Variants in ANKS1B observed in about 807,000 individuals in gnomAD.
ANKS1B encodes the protein ankyrin repeat and sterile alpha motif domain-containing protein 1B.
ANKS1B carries 36 observed loss-of-function variants against 148.3 expected under a neutral mutation model. The ratio of observed to expected loss-of-function variants is 0.24; its 90% CI spans 0.19 to 0.32. The LOEUF (loss-of-function observed/expected upper bound fraction) is 0.32, where lower values mean the gene tolerates loss of function less well. Among genes scored for constraint, ANKS1B ranks in the 10% least tolerant of loss-of-function variants. The pLI is 1.00. For synonymous variants in ANKS1B, 542 were observed against 560.8 expected, an observed-to-expected ratio of 0.97 and a Z score of 0.47; for missense variants, 1,157 against 1,542.6, an observed-to-expected ratio of 0.75 and a Z score of 4.19.
intron 17 of ANKS1B, among the ~76,000 whole-genome samples, chr12:98,848,176 G>C (rs766531495): frequency 2.0e-5 from 3 of 152,150 alleles, no homozygotes; most frequent in Non-Finnish European, 2.9e-5. Context: ...CTTAGTATTT[G>C]TTAGAAAACA....
At chr12:99,956,106 T>C (rs2095319557) in intron 1 of ANKS1B, among the ~76,000 whole-genome samples, 1 of 151,750 alleles carries the variant, frequency 6.6e-6, no homozygotes, top group South Asian at 2.1e-4. Context: ...TGGTGAAACC[T>C]GTCTCTACTA....
intron 15 of ANKS1B, among the ~76,000 whole-genome samples, chr12:99,086,989 C>T (rs1432132724): frequency 3.3e-5 from 5 of 152,220 alleles, no homozygotes; most frequent in South Asian, 4.1e-4. Flanking sequence ...CATAGACTAA[C>T]GTAGTAGTCA....
intron 9 of ANKS1B, among the ~76,000 whole-genome samples, chr12:99,505,883 T>C (rs184554562): frequency 6.6e-6 from 1 of 152,198 alleles, no homozygotes; most frequent in East Asian, 1.9e-4. Context: ...CCAAACAGCA[T>C]AGCTTAGCCT....
intron 22 of ANKS1B, among the ~76,000 whole-genome samples, chr12:98,786,778 C>G (rs76755570): frequency 6.6e-6 from 1 of 152,152 alleles, no homozygotes; most frequent in African/African-American, 2.4e-5. Context: ...ATCATTAGTG[C>G]CCCATCATCA....
At chr12:98,834,362 C>T (rs1211901264) in intron 17 of ANKS1B, among the ~76,000 whole-genome samples, 1 of 152,140 alleles carries the variant, frequency 6.6e-6, no homozygotes. Flanking sequence ...CTGTTTTCTG[C>T]TTTTAATACC....
At chr12:99,915,997 C>T (rs1425934896) in intron 1 of ANKS1B, among the ~76,000 whole-genome samples, 1 of 152,092 alleles carries the variant, frequency 6.6e-6, no homozygotes, top group South Asian at 2.1e-4. Context: ...GAATACCAGC[C>T]ACATTGGATT....
intron 17 of ANKS1B, among the ~76,000 whole-genome samples, chr12:99,005,279 CTGT>C (rs1228273788): frequency 7.2e-5 from 11 of 152,130 alleles, no homozygotes; most frequent in African/African-American, 2.4e-4. Context: ...AAGGGCGTCG[CTGT>C]TGTTGCTGTG....
At chr12:98,766,071 T>G (rs12812887) in intron 25 of ANKS1B, among the ~76,000 whole-genome samples, 18,011 of 152,266 alleles carry the variant, frequency 0.12, 1,204 homozygotes, top group Non-Finnish European at 0.15. Flanking sequence ...AATTTCAGAA[T>G]GTCTGGTTTC....
At position 99,404,742 on chromosome 12, in the gene ANKS1B, G is replaced by A. The variant is rs2094493050; in HGVS notation, c.1576-4931C>T. The stretch of plus-strand genomic sequence containing the variant: ...GGGTGGAATAAAAAGTTTACTCAAA[G>A]TGAGAACAGAGAACTTCCTAGACCT... On this transcript the variant is annotated intron_variant, in intron 11 of 26. Transcript: ENST00000683438. Among the ~76,000 whole-genome samples the A allele has an allele frequency of 2.1e-5, 3 of 145,550 alleles. No homozygotes were observed. The South Asian group carries it at 6.3e-4, about 31-fold the overall frequency.
Position 99,075,805 on chromosome 12 carries a change from A to T in ANKS1B, c.2625+9120T>A, listed in dbSNP as rs528692156. 5.4e-4 allele frequency among the ~76,000 whole-genome samples: 78 copies of T among 145,462 alleles called. No homozygotes were observed. In the Admixed American group the frequency reaches 5.6e-3, roughly 10 times the overall value. On this transcript the variant is annotated intron_variant, in intron 16 of 26. Transcript: ENST00000683438. Reference sequence around the variant, plus strand: ...TCTATTATTGTATAACATATATAATATACAACAAAAAATGTATTATCGTAT... The same window carrying T: ...TCTATTATTGTATAACATATATAATTTACAACAAAAAATGTATTATCGTAT...
chr12:99,413,691 A>T (rs1352134305), intron 11 of ANKS1B, among the ~76,000 whole-genome samples: 1 of 152,202 alleles, frequency 6.6e-6, no homozygotes, highest in Admixed American at 6.5e-5. Flanking sequence ...ATTTTTATAT[A>T]GAGGTATCTG....
At chr12:99,537,535 C>T (rs748499334) in intron 9 of ANKS1B, among the ~76,000 whole-genome samples, 39 of 152,166 alleles carry the variant, frequency 2.6e-4, no homozygotes, top group East Asian at 7.7e-4. Context: ...CCTTTTCATA[C>T]GCCTGTTTTC....
intron 1 of ANKS1B, among the ~76,000 whole-genome samples, chr12:99,983,571 C>A (rs1442215588): frequency 6.6e-6 from 1 of 152,088 alleles, no homozygotes; most frequent in East Asian, 1.9e-4. Context: ...TTATACACAC[C>A]CTGTGCTGAA....
intron 17 of ANKS1B, among the ~76,000 whole-genome samples, chr12:99,005,635 G>T (rs1265558232): frequency 6.6e-6 from 1 of 152,064 alleles, no homozygotes; most frequent in Non-Finnish European, 1.5e-5. Flanking sequence ...ACCTGCATGC[G>T]CTTTCAAATG....
chr12:99,649,617 T>C, intron 9 of ANKS1B: 1 of 504,044 alleles, frequency 2.0e-6, no homozygotes, highest in South Asian at 2.5e-5. Flanking sequence ...GGAGGAAGTA[T>C]AGCCAGCATG....
intron 10 of ANKS1B, among the ~76,000 whole-genome samples, chr12:99,465,165 A>G (rs1309222729): frequency 6.6e-6 from 1 of 152,210 alleles, no homozygotes; most frequent in East Asian, 1.9e-4. Flanking sequence ...AGAATTTTCA[A>G]CCCAGAATTT....
intron 22 of ANKS1B, among the ~76,000 whole-genome samples, chr12:98,785,154 C>T (rs1014860449): frequency 2.0e-5 from 3 of 152,092 alleles, no homozygotes. Flanking sequence ...ATAATCTTAG[C>T]AAAAGATGAA....
At chr12:99,528,792 T>C (rs1203028393) in intron 9 of ANKS1B, among the ~76,000 whole-genome samples, 2 of 152,172 alleles carry the variant, frequency 1.3e-5, no homozygotes, top group Non-Finnish European at 2.9e-5. Flanking sequence ...TAATATGTGA[T>C]GTATGTTCAT....
At chr12:98,756,556 C>CA (rs536086383) in intron 25 of ANKS1B, among the ~76,000 whole-genome samples, 12,071 of 104,486 alleles carry the variant, frequency 0.12, 590 homozygotes, top group Middle Eastern at 0.22. Flanking sequence ...ACTAAAAATA[C>CA]AAAAAAAAAA....
Sources: gnomAD v4.1 joint callset for allele counts (sites outside exome capture counted in the v4.1 genomes callset) on GRCh38, gnomAD v4.1.1 for gene constraint, MANE v1.5 for transcripts, NCBI Gene and HGNC (gene_info 2026-07-23, HGNC 2026-07-21) for gene names.